The following CLVS1 variants were observed in gnomAD, a reference collection of about 807,000 sequenced individuals.
CLVS1 encodes clavesin-1.
In CLVS1, 10 loss-of-function variants were observed where a neutral mutation model predicts 33.1. The ratio of observed to expected loss-of-function variants is 0.30; its 90% CI spans 0.19 to 0.51. The LOEUF is 0.51. Ranked by LOEUF, CLVS1 falls within the 20% of genes least tolerant of loss-of-function variation. The pLI, the probability that CLVS1 is intolerant of heterozygous loss-of-function variation, is 0.97. For missense variants in CLVS1, 343 were observed against 433.4 expected (o/e 0.79, Z 1.85); for synonymous variants, 163 against 166.1 (o/e 0.98, Z 0.14).
chr8:61,355,772 CA>C (rs1812674902), intron 2 of CLVS1, among the ~76,000 whole-genome samples: 2 of 152,154 alleles, frequency 1.3e-5, no homozygotes, highest in African/African-American at 4.8e-5. Flanking sequence ...CATAGTATTC[CA>C]TGGTGTATAT....
At chr8:61,253,859 G>T (rs1809006774) in intron 2 of CLVS1, among the ~76,000 whole-genome samples, 1 of 152,128 alleles carries the variant, frequency 6.6e-6, no homozygotes, top group Non-Finnish European at 1.5e-5. Flanking sequence ...TTTGCCATGG[G>T]TTCGAACTTC....
At chr8:61,052,904 T>C (rs1191445233), upstream of CLVS1, among the ~76,000 whole-genome samples, 1 of 152,124 alleles carries the variant, frequency 6.6e-6, no homozygotes, top group South Asian at 2.1e-4. Context: ...GAGGCGGCTG[T>C]GATCACACAG....
chr8:61,334,010 T>C (rs1401576157), intron 2 of CLVS1, among the ~76,000 whole-genome samples: 1 of 152,234 alleles, frequency 6.6e-6, no homozygotes, highest in African/African-American at 2.4e-5. Context: ...GCTCCATCCA[T>C]GTCCCTGCAA....
intron 2 of CLVS1, among the ~76,000 whole-genome samples, chr8:61,189,734 TA>T (rs1252244730): frequency 4.6e-5 from 7 of 152,086 alleles, no homozygotes; most frequent in Non-Finnish European, 1.0e-4. Context: ...TAGTCTTGGA[TA>T]AAACAGACTT....
chr8:61,135,101 C>A (rs1277635897), intron 2 of CLVS1, among the ~76,000 whole-genome samples: 1 of 151,476 alleles, frequency 6.6e-6, no homozygotes, highest in Non-Finnish European at 1.5e-5. Flanking sequence ...GAAACAGGAA[C>A]AGTTCAAGGA....
intron 2 of CLVS1, among the ~76,000 whole-genome samples, chr8:61,185,449 C>T (rs779135337): frequency 1.3e-5 from 2 of 151,988 alleles, no homozygotes; most frequent in Non-Finnish European, 2.9e-5. Context: ...CCACCACTCT[C>T]AGTTAAGAAT....
chr8:61,027,305 C>T, the CLVS1 span, among the ~76,000 whole-genome samples: 22 of 152,150 alleles, frequency 1.4e-4, 1 homozygote, highest in South Asian at 4.6e-3. Context: ...ACTATTCTCG[C>T]CCTGTGTTAT....
chr8:61,177,358 G>A (rs760887455), intron 2 of CLVS1, among the ~76,000 whole-genome samples: 2 of 152,200 alleles, frequency 1.3e-5, no homozygotes, highest in Non-Finnish European at 2.9e-5. Flanking sequence ...CTAGCAGGAG[G>A]GGTGGCCATA....
intron 2 of CLVS1, among the ~76,000 whole-genome samples, chr8:61,331,670 T>C (rs1245407425): frequency 6.6e-6 from 1 of 152,178 alleles, no homozygotes; most frequent in Non-Finnish European, 1.5e-5. Flanking sequence ...GTGTACTTTT[T>C]TGGCTATGGT....
At position 61,106,587 on chromosome 8, in the gene CLVS1, C is replaced by T. The variant is rs1427006995; in HGVS notation, c.-242-25183C>T. 6.6e-5 allele frequency among the ~76,000 whole-genome samples: 10 copies of T among 152,206 alleles called. No homozygotes were observed. The East Asian group carries it at 1.9e-3, about 29-fold the overall frequency. Reference sequence around the variant, plus strand: ...AGTACGCCACAGGAGGAGTTGCTGGCACCTCCGCGCAGGCGGTGGAGGGTG... The same window carrying T: ...AGTACGCCACAGGAGGAGTTGCTGGTACCTCCGCGCAGGCGGTGGAGGGTG... On this transcript the variant is annotated intron_variant, in intron 1 of 2. Coordinates refer to the CLVS1 transcript ENST00000522621.
At chr8:61,415,108 C>T (rs2129604275) in intron 3 of CLVS1, among the ~76,000 whole-genome samples, 1 of 152,382 alleles carries the variant, frequency 6.6e-6, no homozygotes, top group East Asian at 1.9e-4. Flanking sequence ...ATTATGCTCG[C>T]TGGCTCTTGC....
intron 2 of CLVS1, among the ~76,000 whole-genome samples, chr8:61,268,458 A>G (rs1809359500): frequency 6.6e-6 from 1 of 151,594 alleles, no homozygotes; most frequent in Non-Finnish European, 1.5e-5. Context: ...GCTATGGTGA[A>G]TAATGCCGCA....
the CLVS1 span, among the ~76,000 whole-genome samples, chr8:61,010,999 C>G: frequency 6.6e-6 from 1 of 152,240 alleles, no homozygotes. Flanking sequence ...GCTAAGAGTC[C>G]CCCGTATCTG....
chr8:61,244,284 A>G (rs540509382), intron 2 of CLVS1, among the ~76,000 whole-genome samples: 2 of 152,258 alleles, frequency 1.3e-5, no homozygotes, highest in East Asian at 1.9e-4. Context: ...ATTCCCAAAT[A>G]TATGGGATTA....
chr8:61,466,978 A>T (rs577225416), intron 5 of CLVS1, among the ~76,000 whole-genome samples: 1 of 152,348 alleles, frequency 6.6e-6, no homozygotes, highest in East Asian at 1.9e-4. Flanking sequence ...GCACGTGTGC[A>T]CACACAGAAA....
intron 2 of CLVS1, among the ~76,000 whole-genome samples, chr8:61,216,664 T>C (rs1271433404): frequency 1.3e-5 from 2 of 152,200 alleles, no homozygotes; most frequent in Admixed American, 1.3e-4. Flanking sequence ...ATTGTAGCTA[T>C]AACAAGGATT....
chr8:61,100,636 T>C (rs983012264), intron 1 of CLVS1, among the ~76,000 whole-genome samples: 4 of 152,232 alleles, frequency 2.6e-5, no homozygotes, highest in Admixed American at 2.6e-4. Flanking sequence ...CACAGATTTG[T>C]GTAATCATTC....
At chr8:61,347,861 A>G (rs190432767) in intron 2 of CLVS1, among the ~76,000 whole-genome samples, 1 of 151,594 alleles carries the variant, frequency 6.6e-6, no homozygotes, top group East Asian at 2.0e-4. Context: ...ACTGTTTTCC[A>G]TAATGGCTGT....
chr8:61,445,947 A>G (rs562820833), intron 3 of CLVS1, among the ~76,000 whole-genome samples: 2 of 152,266 alleles, frequency 1.3e-5, no homozygotes, highest in East Asian at 3.9e-4. Flanking sequence ...GTGCATGTAG[A>G]GTTCTTTATA....
Sources: gnomAD v4.1 joint callset for allele counts (sites outside exome capture counted in the v4.1 genomes callset) on GRCh38, gnomAD v4.1.1 for gene constraint, MANE v1.5 for transcripts, NCBI Gene and HGNC (gene_info 2026-07-23, HGNC 2026-07-21) for gene names.